PKNOX1: variants seen among roughly 807,000 people sequenced by gnomAD.
PKNOX1 encodes PBX/knotted 1 homeobox 1.
A neutral mutation model predicts 51.9 loss-of-function variants in PKNOX1; 15 were observed. The observed-to-expected ratio is 0.29, with a 90% CI of 0.19 to 0.45. The LOEUF is 0.45. Ranked by LOEUF, PKNOX1 falls within the 20% of genes least tolerant of loss-of-function variation. PKNOX1 has a pLI of 1.00. For synonymous variants in PKNOX1, 219 were observed against 211.1 expected, an observed-to-expected ratio of 1.04 and a Z score of -0.32; for missense variants, 462 against 547.5, an observed-to-expected ratio of 0.84 and a Z score of 1.56.
Position 43,010,122 on chromosome 21 carries a change from C to T in PKNOX1, c.249C>T (p.Gly83=), listed in dbSNP as rs1979184375. ...AACAATCTACACAGGGCTCTGAAGG[C>T]ACAACTTCTGCCAGTTTTGATGTAG... ...KCEQSTQGSE[G]TTSASFDVDI... The change falls in exon 4 of 11, where the codon GGC becomes GGT. Residue 83 remains glycine (G), a synonymous_variant. Coordinates refer to ENST00000291547, the MANE Select transcript of PKNOX1 (RefSeq NM_004571.5). 6.2e-7 allele frequency: 1 copy of T among 1,607,030 alleles called. No homozygotes were observed. Among genetic ancestry groups the T allele is most frequent in the Non-Finnish European group, 8.5e-7 (1 of 1,176,012 alleles).
rs1601279072 is a variant in PKNOX1, at chr21:42,993,880, A to G, written c.-56-10446A>G. On this transcript the variant is annotated intron_variant, in intron 1 of 10. Transcript: ENST00000291547. ...CCGGAGTAGCTGGGATTACAGGCAC[A>G]CGCCACCATGCCCGGCTAATTTTTG... Among the ~76,000 whole-genome samples the G allele has an allele frequency of 5.3e-5, 8 of 151,040 alleles. No individual in the cohort carries two copies. The South Asian group carries it at 6.3e-4, about 12-fold the overall frequency.
At chr21:43,026,570 A>G (rs935334895) in intron 9 of PKNOX1, among the ~76,000 whole-genome samples, 2 of 152,176 alleles carry the variant, frequency 1.3e-5, no homozygotes, top group African/African-American at 2.4e-5. Context: ...CAGCCTGACC[A>G]ACATGGTGAA....
intron 1 of PKNOX1, among the ~76,000 whole-genome samples, chr21:42,990,679 A>G (rs951265398): frequency 1.3e-5 from 2 of 152,320 alleles, no homozygotes; most frequent in Middle Eastern, 3.4e-3. Flanking sequence ...ACACAAATTT[A>G]TGTAATATAA....
chr21:43,004,952 C>T (rs1335366384), intron 2 of PKNOX1, among the ~76,000 whole-genome samples: 1 of 152,200 alleles, frequency 6.6e-6, no homozygotes, highest in Non-Finnish European at 1.5e-5. Flanking sequence ...GCCCTCCCAC[C>T]ATAGATGAGA....
intron 2 of PKNOX1, among the ~76,000 whole-genome samples, chr21:43,005,920 C>T (rs373987220): frequency 3.0e-4 from 45 of 152,262 alleles, no homozygotes; most frequent in African/African-American, 1.1e-3. Flanking sequence ...TTTTCATACC[C>T]GAGTGTTTCC....
intron 1 of PKNOX1, among the ~76,000 whole-genome samples, chr21:42,978,028 C>A (rs979873777): frequency 1.3e-5 from 2 of 152,082 alleles, no homozygotes; most frequent in African/African-American, 4.8e-5. Context: ...CTCCCTCCCT[C>A]TTTTTTTGAG....
rs974786626 is a variant in PKNOX1, at chr21:43,021,176, G to A, written c.721-127G>A. The A allele has an allele frequency of 5.3e-5, 37 of 695,486 alleles. No homozygotes were observed. The highest frequency in any genetic ancestry group is 1.2e-4 in the Admixed American group (4 of 34,246). 43.1% of individuals were successfully genotyped at this position (695,486 alleles called of 1,614,324 possible). A position where few individuals can be genotyped will look rare whatever the true frequency, so the allele number is the denominator to read the frequency against. On this transcript the variant is annotated intron_variant, in intron 7 of 10. Coordinates refer to ENST00000291547, the MANE Select transcript of PKNOX1 (RefSeq NM_004571.5). This position sits in a 1 kb window ranked among gnomAD's most constrained non-coding sequence, Gnocchi z 4.6. ...AAACATCAGTCCACACAGGGTTCCCGTGCATGGGCCTCGACTACAATCATT... is the reference window on the plus strand; with the variant it reads ...AAACATCAGTCCACACAGGGTTCCCATGCATGGGCCTCGACTACAATCATT...
At chr21:43,004,227 A>G in intron 1 of PKNOX1, 99 bp from the exon 2 acceptor site, 1 of 557,382 alleles carries the variant, frequency 1.8e-6, no homozygotes, top group Non-Finnish European at 3.3e-6. Flanking sequence ...ACAAGAGTGA[A>G]ACTCGGTCTC....
At chr21:42,979,110 C>T (rs756054469) in intron 1 of PKNOX1, among the ~76,000 whole-genome samples, 28 of 152,150 alleles carry the variant, frequency 1.8e-4, no homozygotes, top group Non-Finnish European at 2.2e-4. Context: ...TATGTTGCCT[C>T]GGCTGTCTCT....
At chr21:42,984,554 A>G (rs2059042198) in intron 1 of PKNOX1, among the ~76,000 whole-genome samples, 1 of 151,686 alleles carries the variant, frequency 6.6e-6, no homozygotes, top group African/African-American at 2.4e-5. Context: ...CCGCCTGGCT[A>G]ATTTTGTATT....
chr21:43,011,580 G>T (rs1478544468), intron 4 of PKNOX1, among the ~76,000 whole-genome samples: 2 of 152,206 alleles, frequency 1.3e-5, no homozygotes, highest in Non-Finnish European at 2.9e-5. Context: ...TCTCCTGCCA[G>T]AGTGTAACCA....
intron 1 of PKNOX1, among the ~76,000 whole-genome samples, chr21:42,988,312 C>T (rs1601274765): frequency 6.6e-6 from 1 of 151,772 alleles, no homozygotes; most frequent in Admixed American, 6.6e-5. Flanking sequence ...GCCTCCCAAA[C>T]TGCTGGGATT....
At chr21:43,028,646 T>C in intron 9 of PKNOX1, 56 bp from the exon 10 acceptor site, 1 of 1,517,830 alleles carries the variant, frequency 6.6e-7, no homozygotes, top group Non-Finnish European at 9.1e-7. Context: ...TTGTTAATCC[T>C]GTATAGGGTC....
intron 1 of PKNOX1, among the ~76,000 whole-genome samples, chr21:42,989,214 A>C (rs1222368015): frequency 6.6e-6 from 1 of 151,980 alleles, no homozygotes; most frequent in Non-Finnish European, 1.5e-5. Context: ...CCTGGACTCA[A>C]GCAATATTCC....
intron 1 of PKNOX1, among the ~76,000 whole-genome samples, chr21:42,977,621 C>T (rs2059004302): frequency 7.1e-6 from 1 of 140,834 alleles, no homozygotes; most frequent in African/African-American, 2.6e-5. Flanking sequence ...GATCTCGGCT[C>T]ACTGCAACCT....
intron 7 of PKNOX1, 104 bp downstream of exon 7, chr21:43,018,334 T>C (rs2146283289): frequency 2.9e-6 from 2 of 688,364 alleles, no homozygotes; most frequent in Non-Finnish European, 5.2e-6. Context: ...GAGCTTTGTC[T>C]TGTGTAGCAA....
chr21:42,978,040 CTA>C (rs2059006599), intron 1 of PKNOX1, among the ~76,000 whole-genome samples: 2 of 151,902 alleles, frequency 1.3e-5, no homozygotes, highest in African/African-American at 4.8e-5. Context: ...TTTTTTGAGA[CTA>C]TTGCCCAGGT....
intron 1 of PKNOX1, among the ~76,000 whole-genome samples, chr21:42,977,464 T>C (rs754592385): frequency 1.1e-4 from 16 of 152,082 alleles, no homozygotes; most frequent in Non-Finnish European, 1.5e-5. Context: ...ACTTGCTGCT[T>C]CACCTTGTAC....
intron 1 of PKNOX1, among the ~76,000 whole-genome samples, chr21:42,998,573 G>A (rs1373642587): frequency 6.6e-6 from 1 of 152,200 alleles, no homozygotes; most frequent in Non-Finnish European, 1.5e-5. Flanking sequence ...AAGCGGGTTA[G>A]TTACTTCCTA....
Sources: gnomAD v4.1 joint callset for allele counts (sites outside exome capture counted in the v4.1 genomes callset) on GRCh38, gnomAD v4.1.1 for gene constraint, Gnocchi (gnomAD v3.1) non-coding constraint, MANE v1.5 for transcripts, NCBI Gene and HGNC (gene_info 2026-07-23, HGNC 2026-07-21) for gene names.